The following PCDHA3 variants were observed in gnomAD, a reference collection of about 807,000 sequenced individuals.
The protein encoded by PCDHA3 is protocadherin alpha-3.
Under a neutral mutation model 62.2 loss-of-function variants are expected in PCDHA3, and 41 were observed. That is an observed-to-expected ratio of 0.66 (90% confidence interval 0.51 to 0.86). The LOEUF (loss-of-function observed/expected upper bound fraction) is 0.86, where lower values mean the gene tolerates loss of function less well. Among genes scored for constraint, PCDHA3 ranks in the 40% least tolerant of loss-of-function variants. The probability of loss-of-function intolerance (pLI) is 0.00; values close to 1 mark genes in which losing one functional copy is unlikely to be tolerated. For synonymous variants in PCDHA3, 640 were observed against 555.4 expected, an observed-to-expected ratio of 1.15 and a Z score of -2.14; for missense variants, 1,304 against 1,241.2, an observed-to-expected ratio of 1.05 and a Z score of -0.76.
At position 140,927,496 on chromosome 5, in the gene PCDHA3, G is replaced by A. The variant is rs1206944698; in HGVS notation, c.2395-51453G>A. ...CGAACAGCGCGCCACCCACCTGCTG[G>A]TGCTTACAGCTCGGGACGGCGGGCT... On this transcript the variant is annotated intron_variant, in intron 1 of 3. Coordinates refer to ENST00000522353, the MANE Select transcript of PCDHA3 (RefSeq NM_018906.3). 10 of 1,614,026 alleles carry A rather than the reference G, an allele frequency of 6.2e-6. No individual in the cohort carries two copies. In the African/African-American group the frequency reaches 8.0e-5, roughly 13 times the overall value.
In PCDHA3 at chr5:141,000,327, C is replaced by G. The variant is rs555445425; in HGVS notation, c.2543-9300C>G. On this transcript the variant is annotated intron_variant, in intron 3 of 3. Coordinates refer to ENST00000522353, the MANE Select transcript of PCDHA3 (RefSeq NM_018906.3). ...GAGTTCAAGACCAGCTTGGGCAACA[C>G]AGCAAGGCCCTATCTCTCTCTCTGT... is the stretch of plus-strand genomic sequence containing the variant. 3.5e-5 allele frequency among the ~76,000 whole-genome samples: 5 copies of G among 144,706 alleles called. No homozygotes were observed. The South Asian group carries it at 1.1e-3, about 32-fold the overall frequency. 94.9% of individuals were successfully genotyped at this position (144,706 alleles called of 152,430 possible). A position where few individuals can be genotyped will look rare whatever the true frequency, so the allele number is the denominator to read the frequency against.
At chr5:140,937,142 A>G (rs1362886135) in intron 1 of PCDHA3, among the ~76,000 whole-genome samples, 1 of 147,852 alleles carries the variant, frequency 6.8e-6, no homozygotes, top group Non-Finnish European at 1.5e-5. Context: ...GGTTCATGCC[A>G]TTCTCCTGCC....
Position 140,841,121 on chromosome 5 carries a change from A to T in PCDHA3, c.2394+37530A>T, listed in dbSNP as rs1777036212. The T allele has an allele frequency of 1.1e-5, 7 of 638,568 alleles. No individual in the cohort carries two copies. In the African/African-American group the frequency reaches 1.3e-4, roughly 12 times the overall value. 39.6% of individuals were successfully genotyped at this position (638,568 alleles called of 1,614,324 possible). A position where few individuals can be genotyped will look rare whatever the true frequency, so the allele number is the denominator to read the frequency against. The stretch of plus-strand genomic sequence containing the variant: ...TATTGCGGAAGTAATTCATGTAATC[A>T]TTACCTTTTGAAGCCACATGATGTC... On this transcript the variant is annotated intron_variant, in intron 1 of 3. Transcript: ENST00000522353.
chr5:140,937,835 C>T (rs782666689), intron 1 of PCDHA3, among the ~76,000 whole-genome samples: 3 of 151,520 alleles, frequency 2.0e-5, no homozygotes, highest in Non-Finnish European at 2.9e-5. Context: ...TGGCATGAAC[C>T]TGGAAGGCGG....
At chr5:140,979,894 C>G (rs1183667310) in intron 2 of PCDHA3, among the ~76,000 whole-genome samples, 2 of 152,206 alleles carry the variant, frequency 1.3e-5, no homozygotes, top group African/African-American at 4.8e-5. Context: ...ATTCACCAAA[C>G]TTAGATCAGT....
At chr5:140,926,692 C>T in intron 1 of PCDHA3, 1 of 737,896 alleles carries the variant, frequency 1.4e-6, no homozygotes, top group Non-Finnish European at 2.0e-6. Context: ...CCTAGCAAGC[C>T]CGGCTCCCAG....
rs899059019 is a variant in PCDHA3, at chr5:140,805,432, G to T, written c.2394+1841G>T. On this transcript the variant is annotated intron_variant, in intron 1 of 3. Transcript: ENST00000522353. ...TTGGTGGGTTTTTTGTTGTTGTTTT[G>T]GTTTTTGTGTGTGTGTGTTTGTGTG... The T allele has an allele frequency of 3.2e-5, 34 of 1,051,910 alleles. No homozygotes were observed. In the African/African-American group the frequency reaches 5.1e-4, roughly 16 times the overall value. The allele number at this position is 1,051,910 out of a possible 1,614,324, so 65.2% of individuals were successfully genotyped here.
intron 1 of PCDHA3, chr5:140,804,923 G>A (rs1763479692): frequency 1.0e-6 from 1 of 968,354 alleles, no homozygotes; most frequent in Admixed American, 3.7e-5. Context: ...TTCCTTTTTT[G>A]GCACTATCCT....
rs782400821 is a variant in PCDHA3 at position 140,801,961 on chromosome 5, C to T, written c.764C>T (p.Ala255Val). ...TIYKVRLLEN[A>V]PNGTLVVTVN... ...TATAAAGTCAGATTACTCGAAAATGCACCAAATGGTACCCTAGTGGTGACC... is the reference window on the plus strand; with the variant it reads ...TATAAAGTCAGATTACTCGAAAATGTACCAAATGGTACCCTAGTGGTGACC... Residue 255 changes from alanine (A) to valine (V), a missense_variant, in exon 1 of 4, where the codon GCA becomes GTA. Transcript: ENST00000522353. 1.2e-6 allele frequency: 2 copies of T among 1,614,210 alleles called. No individual in the cohort carries two copies. Among genetic ancestry groups the T allele is most frequent in the South Asian group, 2.2e-5 (2 of 91,086 alleles).
At position 140,801,511 on chromosome 5, in the gene PCDHA3, A is replaced by G; in HGVS notation, c.314A>G (p.His105Arg). ...GGGCGGAGCGCGGAGTGCAGCATCC[A>G]CCTGGAGGTGATCGTGGACAGGCCG... ...LCGRSAECSI[H>R]LEVIVDRPLQ... is the part of the protein sequence containing the mutation. The change falls in exon 1 of 4, where the codon CAC becomes CGC. Residue 105 changes from histidine (H) to arginine (R), a missense_variant. Physicochemically the swap from His to Arg is conservative, Grantham distance 29. Coordinates refer to ENST00000522353, the MANE Select transcript of PCDHA3 (RefSeq NM_018906.3). The G allele has an allele frequency of 1.2e-6, 2 of 1,614,184 alleles. No homozygotes were observed. Among genetic ancestry groups the G allele is most frequent in the Non-Finnish European group, 1.7e-6 (2 of 1,180,034 alleles).
chr5:140,837,381 G>T (rs183895134), intron 1 of PCDHA3, among the ~76,000 whole-genome samples: 1 of 151,662 alleles, frequency 6.6e-6, no homozygotes, highest in Non-Finnish European at 1.5e-5. Flanking sequence ...TTTTTATTTT[G>T]TTCCTTGTTT....
At chr5:140,952,960 T>C (rs1195156838) in intron 1 of PCDHA3, among the ~76,000 whole-genome samples, 3 of 151,932 alleles carry the variant, frequency 2.0e-5, no homozygotes, top group Non-Finnish European at 4.4e-5. Flanking sequence ...GGGGAAGTGA[T>C]ACACACTTTT....
intron 3 of PCDHA3, among the ~76,000 whole-genome samples, chr5:141,008,415 C>T (rs782593921): frequency 2.0e-5 from 3 of 152,138 alleles, no homozygotes; most frequent in Non-Finnish European, 4.4e-5. Flanking sequence ...ATGTCATGGC[C>T]ACTGGGATCA....
intron 1 of PCDHA3, chr5:140,841,186 T>C (rs1554138025): frequency 1.7e-6 from 2 of 1,195,696 alleles, no homozygotes; most frequent in Non-Finnish European, 2.3e-6. Flanking sequence ...ATGTTCAAAG[T>C]CTTTTCTCTG....
intron 1 of PCDHA3, chr5:140,813,216 AT>A (rs1181674747): frequency 1.3e-5 from 2 of 152,104 alleles, no homozygotes; most frequent in Non-Finnish European, 2.9e-5. Context: ...TGAATGTTCT[AT>A]TCCTTATTGA....
intron 1 of PCDHA3, among the ~76,000 whole-genome samples, chr5:140,894,192 T>C (rs1554185971): frequency 4.6e-5 from 7 of 152,168 alleles, no homozygotes; most frequent in Non-Finnish European, 1.5e-5. Flanking sequence ...TTATATATTT[T>C]TTCTATGCTA....
chr5:140,970,427 GGTGTTA>G (rs1442614278), intron 1 of PCDHA3, among the ~76,000 whole-genome samples: 6 of 152,192 alleles, frequency 3.9e-5, no homozygotes, highest in Admixed American at 3.3e-4. Context: ...TGTAGAGGCA[GGTGTTA>G]GTATATGCAC....
rs377026931 is a variant in PCDHA3 at position 140,803,502 on chromosome 5, C to T, written c.2305C>T (p.Leu769Phe). The change falls in exon 1 of 4, where the codon CTC becomes TTC. Residue 769 changes from leucine (L) to phenylalanine (F), a missense_variant. Physicochemically the swap from Leu to Phe is conservative, Grantham distance 22 (BLOSUM62 0). Transcript: ENST00000522353. ...TGGAGAGGGGTTGCCCAAGACCGAC[C>T]TCATGGCTTTTAGCCCTAGCCTTCC... ...CSGEGLPKTD[L>F]MAFSPSLPPC... 1.9e-6 allele frequency: 3 copies of T among 1,614,132 alleles called. No individual in the cohort carries two copies. The African/African-American group carries it at 4.0e-5, about 22-fold the overall frequency.
intron 1 of PCDHA3, among the ~76,000 whole-genome samples, chr5:140,893,688 C>G (rs903086896): frequency 6.6e-6 from 1 of 152,168 alleles, no homozygotes; most frequent in Admixed American, 6.5e-5. Context: ...TATATCATCT[C>G]ATTCTATCCT....
Sources: gnomAD v4.1 joint callset for allele counts (sites outside exome capture counted in the v4.1 genomes callset) on GRCh38, gnomAD v4.1.1 for gene constraint, MANE v1.5 for transcripts, NCBI Gene and HGNC (gene_info 2026-07-23, HGNC 2026-07-21) for gene names.